The following KIF5A variants were observed in gnomAD, a reference collection of about 807,000 sequenced individuals.
KIF5A encodes kinesin family member 5A.
In KIF5A, 35 loss-of-function variants were observed where a neutral mutation model predicts 141.3. That is an observed-to-expected ratio of 0.25 (90% CI 0.19 to 0.33). KIF5A has a LOEUF of 0.33. Ranked by LOEUF, KIF5A falls within the 10% of genes least tolerant of loss-of-function variation. The probability of loss-of-function intolerance (pLI) is 1.00; values close to 1 mark genes in which losing one functional copy is unlikely to be tolerated. For synonymous variants in KIF5A, 448 were observed against 500.2 expected (o/e 0.90, Z 1.39); for missense variants, 861 against 1,314.3 (o/e 0.66, Z 5.33).
In KIF5A at chr12:57,580,987, A is replaced by G; in HGVS notation, c.2570A>G (p.Glu857Gly). ...LVRDNADLRCELPKLEKRLRA... is the reference protein window; with the variant it reads ...LVRDNADLRCGLPKLEKRLRA... Reference sequence around the variant, plus strand: ...CGTGACAATGCAGATCTGCGTTGTGAGCTTCCTAAATTGGAAAAACGACTT... The same window carrying G: ...CGTGACAATGCAGATCTGCGTTGTGGGCTTCCTAAATTGGAAAAACGACTT... Residue 857 changes from glutamate (E) to glycine (G), a missense_variant, in exon 24 of 29, where the codon GAG (glutamate) becomes GGG (glycine). By Grantham distance (98) the Glu-to-Gly change is moderately conservative. Transcript: ENST00000455537. 2 of 1,614,042 alleles carry G rather than the reference A, an allele frequency of 1.2e-6. No homozygotes were observed. Among genetic ancestry groups the G allele is most frequent in the Non-Finnish European group, 1.7e-6 (2 of 1,180,008 alleles).
Position 57,564,582 on chromosome 12 carries a change from T to G in KIF5A, c.445+74T>G. On this transcript the variant is annotated intron_variant, in intron 5 of 28. Transcript: ENST00000455537. ...AAGAAAGCTCACATTGCATTTGGAA[T>G]TAGGTACCAATTGACAAGAGATGCA... 3 of 1,200,520 alleles carry G rather than the reference T, an allele frequency of 2.5e-6. No homozygotes were observed. In the South Asian group the frequency reaches 3.7e-5, roughly 15 times the overall value. 74.4% of individuals were successfully genotyped at this position (1,200,520 alleles called of 1,614,324 possible).
chr12:57,552,249 T>C (rs1264168473), intron 1 of KIF5A, among the ~76,000 whole-genome samples: 1 of 152,090 alleles, frequency 6.6e-6, no homozygotes, highest in Non-Finnish European at 1.5e-5. Flanking sequence ...TGGGCCATCC[T>C]AGTATAGTGG....
In KIF5A at chr12:57,572,681, T is replaced by A. The variant is rs1594919820; in HGVS notation, c.1671T>A (p.Asp557Glu). The A allele has an allele frequency of 1.9e-6, 3 of 1,614,150 alleles. No homozygotes were observed. The East Asian group carries it at 6.7e-5, about 36-fold the overall frequency. ...IAEVLNGLMK[D>E]LSEFSVIVGN... Reference sequence around the variant, plus strand: ...AGGTGCTGAACGGGCTGATGAAGGATCTGAGCGAGTTCAGTGTCATTGTGG... The same window carrying A: ...AGGTGCTGAACGGGCTGATGAAGGAACTGAGCGAGTTCAGTGTCATTGTGG... The change falls in exon 15 of 29, where the codon GAT (aspartate) becomes GAA (glutamate). Residue 557 changes from aspartate (D) to glutamate (E), a missense_variant. Transcript: ENST00000455537. This position sits in a 1 kb window ranked among gnomAD's most constrained non-coding sequence, Gnocchi z 4.2.
intron 17 of KIF5A, 146 bp from the exon 18 acceptor site, chr12:57,575,941 C>G (rs1452085756): frequency 1.1e-6 from 1 of 921,920 alleles, no homozygotes; most frequent in Non-Finnish European, 1.8e-6. Context: ...GTTCTCTGTT[C>G]CTGCTATATC....
chr12:57,571,949 T>C, intron 13 of KIF5A, 112 bp from the exon 14 acceptor site: 1 of 848,184 alleles, frequency 1.2e-6, no homozygotes, highest in South Asian at 1.4e-5. Context: ...AAAGCCCACT[T>C]CCTCTTAACT....
intron 24 of KIF5A, 112 bp downstream of exon 24, chr12:57,581,284 A>C: frequency 6.6e-7 from 1 of 1,505,230 alleles, no homozygotes; most frequent in Non-Finnish European, 9.1e-7. Context: ...GCCTCATCCC[A>C]CTTCCCCCCA....
rs150538398 is a variant in KIF5A, at chr12:57,568,793, G to A, written c.715-170G>A. Among the ~76,000 whole-genome samples the A allele has an allele frequency of 1.6e-4, 25 of 151,904 alleles. No individual in the cohort carries two copies. The East Asian group carries it at 4.8e-3, about 29-fold the overall frequency. ...GGGCAATGTGGTGTTTGACAAGACAGTTTAGGGGAACAGAGGAAGGGCCTT... is the reference window on the plus strand; with the variant it reads ...GGGCAATGTGGTGTTTGACAAGACAATTTAGGGGAACAGAGGAAGGGCCTT... On this transcript the variant is annotated intron_variant, in intron 8 of 28. Coordinates refer to ENST00000455537, the MANE Select transcript of KIF5A (RefSeq NM_004984.4).
chr12:57,569,121 C>A (rs111984710), intron 9 of KIF5A, 54 bp downstream of exon 9: 85 of 1,556,066 alleles, frequency 5.5e-5, no homozygotes, highest in African/African-American at 4.6e-4. Flanking sequence ...TCTCCTCCCC[C>A]ACCTGCTAAT....
chr12:57,574,042 A>G (rs1882343021), intron 15 of KIF5A, among the ~76,000 whole-genome samples: 1 of 148,842 alleles, frequency 6.7e-6, no homozygotes, highest in Non-Finnish European at 1.5e-5. Flanking sequence ...GAGATGCGGC[A>G]CTGCACTCCA....
At chr12:57,565,025 G>A (rs761434118) in intron 6 of KIF5A, 52 bp downstream of exon 6, 5 of 1,540,024 alleles carry the variant, frequency 3.2e-6, no homozygotes, top group Non-Finnish European at 4.5e-6. Context: ...GAGAATGTTG[G>A]TGGGGGAGGA....
intron 7 of KIF5A, 42 bp downstream of exon 7, chr12:57,567,255 A>C (rs777793901): frequency 6.7e-7 from 1 of 1,502,450 alleles, no homozygotes; most frequent in South Asian, 1.1e-5. Context: ...CTGAGGATCC[A>C]CTTGTGTTCT....
In KIF5A at chr12:57,563,663, G is replaced by A. The variant is rs369673537; in HGVS notation, c.261G>A (p.Gln87=). The change falls in exon 3 of 29, where the codon CAG becomes CAA. Residue 87 remains glutamine (Q), a synonymous_variant. Transcript: ENST00000455537. ...GYNGTIFAYG[Q]TSSGKTHTME... ...ATGGCACCATTTTTGCTTATGGACA[G>A]ACATCCTCAGGGAAAACACATACCA... 8.2e-5 allele frequency: 132 copies of A among 1,614,020 alleles called. No homozygotes were observed. The highest frequency in any genetic ancestry group is 1.0e-4 in the Non-Finnish European group (118 of 1,180,014).
At chr12:57,565,282 G>A (rs769280989) in intron 6 of KIF5A, among the ~76,000 whole-genome samples, 5 of 151,864 alleles carry the variant, frequency 3.3e-5, no homozygotes, top group Non-Finnish European at 7.4e-5. Flanking sequence ...TTAACTGGGC[G>A]TGGTGGCACA....
chr12:57,576,265 G>C lies in KIF5A; in HGVS notation c.2089-4G>C, dbSNP rs767828721. On this transcript the variant is annotated splice_region_variant and splice_polypyrimidine_tract_variant and intron_variant, in intron 18 of 28. Transcript: ENST00000455537. ...CTTTGAGCTTGGGGTGGGGTTGTTT[G>C]CAGAAGGCTCTGGAGCTGCAGATGG... 2 of 1,614,100 alleles carry C rather than the reference G, an allele frequency of 1.2e-6. No individual in the cohort carries two copies. Among genetic ancestry groups the C allele is most frequent in the Non-Finnish European group, 1.7e-6 (2 of 1,179,950 alleles).
At position 57,576,374 on chromosome 12, in the gene KIF5A, A is replaced by G. The variant is rs1243609134; in HGVS notation, c.2194A>G (p.Lys732Glu). Reference protein sequence around the residue: ...NEKQKTIDELKDLNQKLQLEL... With the variant: ...NEKQKTIDELEDLNQKLQLEL... ...GAAGCAGAAGACCATTGATGAGCTC[A>G]AAGAGTAAGGGTTCCCAAGGGCGAC... The change falls in exon 19 of 29, where the codon AAA becomes GAA. Residue 732 changes from lysine (K) to glutamate (E), a missense_variant. Physicochemically the swap from Lys to Glu is moderately conservative, Grantham distance 56. Transcript: ENST00000455537. 1.2e-6 allele frequency: 2 copies of G among 1,613,022 alleles called. No homozygotes were observed. Among genetic ancestry groups the G allele is most frequent in the Admixed American group, 3.3e-5 (2 of 60,014 alleles).
Position 57,586,620 on chromosome 12 carries a change from C to T in KIF5A, c.*2439C>T, listed in dbSNP as rs942779471. 1 of 152,216 alleles carries T rather than the reference C, an allele frequency of 6.6e-6. No individual in the cohort carries two copies. The highest frequency in any genetic ancestry group is 2.4e-5 in the African/African-American group (1 of 41,458). 9.4% of individuals were successfully genotyped at this position (152,216 alleles called of 1,614,324 possible). On this transcript the variant is annotated 3_prime_UTR_variant, in exon 29 of 29. Coordinates refer to ENST00000455537, the MANE Select transcript of KIF5A (RefSeq NM_004984.4). ...AGATAACTTTAAAATAAAATAAATT[C>T]AATGATAACTCTATGTTGTTGTAAA... is the stretch of plus-strand genomic sequence containing the variant.
chr12:57,575,828 C>T lies in KIF5A; in HGVS notation c.2023+71C>T, dbSNP rs974425294. On this transcript the variant is annotated intron_variant, in intron 17 of 28. Transcript: ENST00000455537. The stretch of plus-strand genomic sequence containing the variant: ...TCAGAAACATCAAAATAAATCACCC[C>T]AATAATCACTCACTCAAAGCATTAG... 12 of 1,126,898 alleles carry T rather than the reference C, an allele frequency of 1.1e-5. No individual in the cohort carries two copies. The African/African-American group carries it at 1.8e-4, about 17-fold the overall frequency. The allele number at this position is 1,126,898 out of a possible 1,614,324, so 69.8% of individuals were successfully genotyped here.
intron 1 of KIF5A, among the ~76,000 whole-genome samples, chr12:57,551,214 C>T (rs535371891): frequency 1.3e-5 from 2 of 152,154 alleles, no homozygotes; most frequent in Admixed American, 1.3e-4. Flanking sequence ...AGGAGGATAT[C>T]TTAAGGGAAC....
chr12:57,573,685 C>T (rs770971044), intron 15 of KIF5A, among the ~76,000 whole-genome samples: 3 of 151,716 alleles, frequency 2.0e-5, no homozygotes, highest in Non-Finnish European at 2.9e-5. Flanking sequence ...TAAAATTAGC[C>T]GGGTGTGGTG....
Sources: allele counts gnomAD v4.1 joint callset (sites outside exome capture counted in the v4.1 genomes callset), GRCh38; gene constraint gnomAD v4.1.1; non-coding constraint Gnocchi (gnomAD v3.1); transcripts MANE v1.5; gene names NCBI Gene and HGNC (gene_info 2026-07-23, HGNC 2026-07-21).